The following CNTN5 variants were observed in gnomAD, a reference collection of about 807,000 sequenced individuals.
CNTN5 encodes contactin 5.
A neutral mutation model predicts 129.1 loss-of-function variants in CNTN5; 77 were observed. The ratio of observed to expected loss-of-function variants is 0.60; its 90% CI spans 0.50 to 0.72. CNTN5 has a LOEUF of 0.72. Ranked by LOEUF, CNTN5 falls within the 30% of genes least tolerant of loss-of-function variation. The pLI, the probability that CNTN5 is intolerant of heterozygous loss-of-function variation, is 0.00. For synonymous variants in CNTN5, 509 were observed against 465.6 expected (o/e 1.09, Z -1.20); for missense variants, 1,478 against 1,328.8 (o/e 1.11, Z -1.75).
chr11:99,948,084 A>G lies in CNTN5; in HGVS notation c.674-8722A>G, dbSNP rs918104068. On this transcript the variant is annotated intron_variant, in intron 7 of 24. Coordinates refer to ENST00000524871, the MANE Select transcript of CNTN5 (RefSeq NM_014361.4). ...GTCTTAATTTTCCTTCATTTGGAAT[A>G]CTGTCCAAGATTAAACCTTTCTACG... 3.3e-5 allele frequency among the ~76,000 whole-genome samples: 5 copies of G among 152,338 alleles called. No homozygotes were observed. The South Asian group carries it at 6.2e-4, about 19-fold the overall frequency.
chr11:99,558,061 G>T (rs1164737204), intron 3 of CNTN5, among the ~76,000 whole-genome samples: 1 of 151,812 alleles, frequency 6.6e-6, no homozygotes, highest in Admixed American at 6.6e-5. Flanking sequence ...TAAAAAGTTG[G>T]TAGAGACATC....
intron 1 of CNTN5, among the ~76,000 whole-genome samples, chr11:99,136,061 T>G (rs1859202330): frequency 6.6e-6 from 1 of 152,184 alleles, no homozygotes; most frequent in East Asian, 1.9e-4. Context: ...TAAGTTCCTA[T>G]TCTAACCTTC....
chr11:99,642,194 G>A (rs1951796003), intron 3 of CNTN5, among the ~76,000 whole-genome samples: 1 of 152,140 alleles, frequency 6.6e-6, no homozygotes, highest in South Asian at 2.1e-4. Flanking sequence ...TGTAATAGGA[G>A]AAAATGGCAT....
chr11:100,011,925 G>A (rs758965885), intron 9 of CNTN5, among the ~76,000 whole-genome samples: 3 of 152,084 alleles, frequency 2.0e-5, no homozygotes, highest in Non-Finnish European at 4.4e-5. Flanking sequence ...ACTGGCAAAC[G>A]TTCCTGGAAG....
intron 1 of CNTN5, among the ~76,000 whole-genome samples, chr11:99,208,352 C>T (rs767411840): frequency 2.0e-5 from 3 of 151,982 alleles, no homozygotes; most frequent in Non-Finnish European, 2.9e-5. Context: ...CTAGGCAAAC[C>T]TTAATTTCTG....
intron 17 of CNTN5, among the ~76,000 whole-genome samples, chr11:100,257,972 G>A (rs936649904): frequency 1.3e-5 from 2 of 152,058 alleles, no homozygotes; most frequent in Non-Finnish European, 2.9e-5. Context: ...GCATCAGAAG[G>A]TGGGTAATAA....
At chr11:99,850,132 AG>A in intron 6 of CNTN5, among the ~76,000 whole-genome samples, 1 of 152,262 alleles carries the variant, frequency 6.6e-6, no homozygotes, top group South Asian at 2.1e-4. Flanking sequence ...TTAACAGTTT[AG>A]GAGACATTGA....
At chr11:99,185,806 A>G (rs1362152041) in intron 1 of CNTN5, among the ~76,000 whole-genome samples, 1 of 93,010 alleles carries the variant, frequency 1.1e-5, no homozygotes, top group African/African-American at 3.6e-5. Flanking sequence ...ATAACCCATC[A>G]AAATAACCCA....
intron 3 of CNTN5, among the ~76,000 whole-genome samples, chr11:99,797,036 G>A (rs910583492): frequency 6.6e-6 from 1 of 151,970 alleles, no homozygotes; most frequent in Non-Finnish European, 1.5e-5. Flanking sequence ...GATTCCCCAT[G>A]TCCTCCCTCT....
At chr11:99,251,673 C>G (rs17659971) in intron 1 of CNTN5, among the ~76,000 whole-genome samples, 25,282 of 151,786 alleles carry the variant, frequency 0.17, 2,393 homozygotes, top group African/African-American at 0.25. Flanking sequence ...GAATCAATGC[C>G]TTCTTTATTT....
intron 3 of CNTN5, among the ~76,000 whole-genome samples, chr11:99,561,295 G>A (rs1468169409): frequency 2.7e-5 from 4 of 150,784 alleles, no homozygotes; most frequent in African/African-American, 4.9e-5. Flanking sequence ...CAGCAAATAA[G>A]TAAGTAAGTA....
Position 100,350,616 on chromosome 11 carries a change from T to C in CNTN5, c.3031-86T>C, listed in dbSNP as rs537006481. 55 of 969,090 alleles carry C rather than the reference T, an allele frequency of 5.7e-5. No homozygotes were observed. The Middle Eastern group carries it at 8.7e-4, about 15-fold the overall frequency. The allele number at this position is 969,090 out of a possible 1,614,324, so 60.0% of individuals were successfully genotyped here. A position where few individuals can be genotyped will look rare whatever the true frequency, so the allele number is the denominator to read the frequency against. ...GTCTAAACTGTAAGCTCCTTGTGCT[T>C]ATCTCAGAATGTGACACATAGTAGG... On this transcript the variant is annotated intron_variant, in intron 23 of 24. Transcript: ENST00000524871.
intron 3 of CNTN5, among the ~76,000 whole-genome samples, chr11:99,663,737 C>A (rs571199339): frequency 6.6e-6 from 1 of 152,118 alleles, no homozygotes; most frequent in Non-Finnish European, 1.5e-5. Context: ...CCGTGTAAGA[C>A]GTGCCTGCTT....
chr11:99,580,361 G>C (rs577760804), intron 3 of CNTN5, among the ~76,000 whole-genome samples: 1 of 152,162 alleles, frequency 6.6e-6, no homozygotes, highest in African/African-American at 2.4e-5. Flanking sequence ...AGTTAGGGAG[G>C]ATTCCCTCTT....
At chr11:99,597,915 G>A (rs182562014) in intron 3 of CNTN5, among the ~76,000 whole-genome samples, 20 of 152,260 alleles carry the variant, frequency 1.3e-4, no homozygotes, top group Non-Finnish European at 2.5e-4. Context: ...TTCCTTGGGT[G>A]TGTGGGAAGC....
At chr11:99,761,199 C>G (rs1161396921) in intron 3 of CNTN5, among the ~76,000 whole-genome samples, 1 of 151,618 alleles carries the variant, frequency 6.6e-6, no homozygotes, top group Non-Finnish European at 1.5e-5. Context: ...AAGGAGGTTG[C>G]CTTTAGGTAT....
intron 10 of CNTN5, among the ~76,000 whole-genome samples, chr11:100,066,110 G>T (rs991931757): frequency 4.6e-5 from 7 of 152,024 alleles, no homozygotes; most frequent in African/African-American, 1.7e-4. Flanking sequence ...CAATGGATTG[G>T]GGGGAAAGTA....
intron 6 of CNTN5, among the ~76,000 whole-genome samples, chr11:99,875,460 G>A (rs999603964): frequency 2.0e-5 from 3 of 152,008 alleles, no homozygotes; most frequent in Non-Finnish European, 4.4e-5. Flanking sequence ...ATATGCTCCT[G>A]TTATTACCAC....
intron 13 of CNTN5, among the ~76,000 whole-genome samples, chr11:100,180,011 C>T (rs1034523692): frequency 1.3e-5 from 2 of 151,992 alleles, no homozygotes; most frequent in Non-Finnish European, 2.9e-5. Context: ...TCTACAAAAA[C>T]TCTTCCAGAG....
Sources: gnomAD v4.1 joint callset for allele counts (sites outside exome capture counted in the v4.1 genomes callset) on GRCh38, gnomAD v4.1.1 for gene constraint, MANE v1.5 for transcripts, NCBI Gene and HGNC (gene_info 2026-07-23, HGNC 2026-07-21) for gene names.